The following TACC3 variants were observed in gnomAD, a reference collection of about 807,000 sequenced individuals.
TACC3 encodes transforming acidic coiled-coil-containing protein 3.
A neutral mutation model predicts 86.0 loss-of-function variants in TACC3; 52 were observed. The observed-to-expected ratio is 0.60, with a 90% CI of 0.48 to 0.76. TACC3 has a LOEUF of 0.76. Among genes scored for constraint, TACC3 ranks in the 30% least tolerant of loss-of-function variants. The pLI is 0.00. For missense variants in TACC3, 1,120 were observed against 1,070.4 expected (o/e 1.05, Z -0.65); for synonymous variants, 512 against 430.0 (o/e 1.19, Z -2.36).
chr4:1,731,151 T>C, intron 5 of TACC3, 21 bp from the exon 6 acceptor site: 1 of 1,612,874 alleles, frequency 6.2e-7, no homozygotes, highest in Non-Finnish European at 8.5e-7. Flanking sequence ...CTGCACAGGG[T>C]GACTCTGCCC....
rs1443551856 is a variant in TACC3 at position 1,735,087 on chromosome 4, A to C, written c.1592-186A>C. 6.6e-6 allele frequency among the ~76,000 whole-genome samples: 1 copy of C among 152,174 alleles called. No individual in the cohort carries two copies. Among genetic ancestry groups the C allele is most frequent in the African/African-American group, 2.4e-5 (1 of 41,454 alleles). On this transcript the variant is annotated intron_variant, in intron 6 of 15. Coordinates refer to ENST00000313288, the MANE Select transcript of TACC3 (RefSeq NM_006342.3). This position sits in a 1 kb window ranked among gnomAD's most constrained non-coding sequence, Gnocchi z 4.2. Reference sequence around the variant, plus strand: ...GTAGAGGCTGGGGATGCCGCTCAGCACCCTGCGGTGCCCAGGAGGCGCCTG... The same window carrying C: ...GTAGAGGCTGGGGATGCCGCTCAGCCCCCTGCGGTGCCCAGGAGGCGCCTG...
At chr4:1,744,454 A>G in intron 13 of TACC3, 64 bp from the exon 14 acceptor site, 3 of 1,483,730 alleles carry the variant, frequency 2.0e-6, no homozygotes, top group Non-Finnish European at 9.3e-7. Flanking sequence ...GTCCCCAGAC[A>G]CCAAGCCTGG....
chr4:1,726,561 A>G (rs544693479), intron 3 of TACC3, among the ~76,000 whole-genome samples: 1 of 152,366 alleles, frequency 6.6e-6, no homozygotes, highest in East Asian at 1.9e-4. Flanking sequence ...CACGCAGATT[A>G]AAGTGTTATC....
chr4:1,724,719 A>G (rs1222196973), intron 3 of TACC3, among the ~76,000 whole-genome samples: 9 of 150,964 alleles, frequency 6.0e-5, no homozygotes, highest in Non-Finnish European at 1.3e-4. Context: ...GTGGGAAGGG[A>G]CCCCAGAGGC....
rs754023172 is a variant in TACC3, at chr4:1,735,351, C to G, written c.1644+26C>G. On this transcript the variant is annotated intron_variant, in intron 7 of 15. Coordinates refer to ENST00000313288, the MANE Select transcript of TACC3 (RefSeq NM_006342.3). The surrounding 1 kb of genome is among the most constrained non-coding windows in gnomAD (Gnocchi z 4.2). The stretch of plus-strand genomic sequence containing the variant: ...GTAGGTACCAGGCAATTCCGCGAAG[C>G]CTCACCCACAGGGTGTCCGAGAGCA... The G allele has an allele frequency of 6.2e-7, 1 of 1,613,698 alleles. No individual in the cohort carries two copies. The highest frequency in any genetic ancestry group is 1.1e-5 in the South Asian group (1 of 91,086).
At chr4:1,741,847 A>G (rs1284216356) in intron 13 of TACC3, 2 of 152,288 alleles carry the variant, frequency 1.3e-5, no homozygotes, top group African/African-American at 2.4e-5. Flanking sequence ...AAGGTATCTT[A>G]TGCTTTAAAT....
rs778532247 is a variant in TACC3 at position 1,735,079 on chromosome 4, C to T, written c.1592-194C>T. ...GGGAGTGGGTAGAGGCTGGGGATGC[C>T]GCTCAGCACCCTGCGGTGCCCAGGA... On this transcript the variant is annotated intron_variant, in intron 6 of 15. Transcript: ENST00000313288. The surrounding 1 kb of genome is among the most constrained non-coding windows in gnomAD (Gnocchi z 4.2). 1.6e-4 allele frequency among the ~76,000 whole-genome samples: 25 copies of T among 152,188 alleles called. No homozygotes were observed. Among genetic ancestry groups the T allele is most frequent in the Non-Finnish European group, 2.8e-4 (19 of 68,024 alleles).
intron 6 of TACC3, among the ~76,000 whole-genome samples, chr4:1,733,509 T>TA (rs1430957116): frequency 6.7e-4 from 65 of 97,698 alleles, no homozygotes; most frequent in Non-Finnish European, 1.2e-3. Context: ...CCTTTTTTTT[T>TA]ATTACCTGGC....
At position 1,730,908 on chromosome 4, in the gene TACC3, G is replaced by C; in HGVS notation, c.1407G>C (p.Ala469=). ...CLSQQLHSAS[A]EDTPVVQLAA... Reference sequence around the variant, plus strand: ...CCAGGCAGCTGCATTCAGCCTCAGCGGAGGACACGCCTGTGGTGCAGTTGG... The same window carrying C: ...CCAGGCAGCTGCATTCAGCCTCAGCCGAGGACACGCCTGTGGTGCAGTTGG... Residue 469 remains alanine (A), a synonymous_variant, in exon 5 of 16, where the codon GCG becomes GCC. Transcript: ENST00000313288. 6.2e-7 allele frequency: 1 copy of C among 1,613,362 alleles called. No individual in the cohort carries two copies.
intron 8 of TACC3, among the ~76,000 whole-genome samples, chr4:1,736,121 C>T (rs763285280): frequency 3.9e-5 from 6 of 152,214 alleles, no homozygotes; most frequent in Non-Finnish European, 5.9e-5. Context: ...AAGAGTACTT[C>T]CTCTAAAACA....
intron 8 of TACC3, among the ~76,000 whole-genome samples, chr4:1,736,118 C>A (rs1718250194): frequency 1.3e-5 from 2 of 152,218 alleles, no homozygotes; most frequent in Admixed American, 6.5e-5. Context: ...TTTAAGAGTA[C>A]TTCCTCTAAA....
chr4:1,743,339 G>T (rs1330449848), intron 13 of TACC3, among the ~76,000 whole-genome samples: 2 of 151,276 alleles, frequency 1.3e-5, no homozygotes, highest in African/African-American at 2.4e-5. Context: ...TGGATCACGA[G>T]ATCAGGAGTT....
At chr4:1,739,563 A>G (rs1718462827) in intron 10 of TACC3, 139 bp from the exon 11 acceptor site, 1 of 776,298 alleles carries the variant, frequency 1.3e-6, no homozygotes, top group South Asian at 1.8e-5. Context: ...CCAGGGTCCC[A>G]CTGGAAGCCC....
upstream of TACC3, chr4:1,720,793 G>A (rs1296440024): frequency 1.3e-6 from 2 of 1,595,752 alleles, no homozygotes; most frequent in Non-Finnish European, 1.7e-6. The surrounding 1 kb of genome is among the most constrained non-coding windows in gnomAD (Gnocchi z 4.4). Flanking sequence ...AGCACACGGC[G>A]AACACCAGAT....
chr4:1,726,041 G>A lies in TACC3; in HGVS notation c.306-1667G>A, dbSNP rs115793779. 2.3e-3 allele frequency among the ~76,000 whole-genome samples: 343 copies of A among 152,352 alleles called. 1 individual carries two copies. The highest frequency in any genetic ancestry group is 8.0e-3 in the African/African-American group (331 of 41,582). On this transcript the variant is annotated intron_variant, in intron 3 of 15. Transcript: ENST00000313288. ...CTGAGGCACTGGCACATGACCCTGC[G>A]TCTTCTCAGGGACCTGAAGGCTGGG...
rs1207619448 is a variant in TACC3, at chr4:1,721,648, G to T, written c.-2+5G>T. The T allele has an allele frequency of 1.3e-5, 2 of 152,294 alleles. No individual in the cohort carries two copies. The highest frequency in any genetic ancestry group is 4.8e-5 in the African/African-American group (2 of 41,408). The allele number at this position is 152,294 out of a possible 1,614,324, so 9.4% of individuals were successfully genotyped here. ...CGGCAACGGGCGGGCGGGCAGGTAG[G>T]AGAGCGGCTACACGGCGCGGGGAGG... On this transcript the variant is annotated splice_donor_5th_base_variant and intron_variant, in intron 1 of 15. Coordinates refer to ENST00000313288, the MANE Select transcript of TACC3 (RefSeq NM_006342.3).
chr4:1,738,277 CAG>C (rs1718391078), intron 10 of TACC3: 2 of 236,056 alleles, frequency 8.5e-6, no homozygotes, highest in Non-Finnish European at 1.7e-5. Flanking sequence ...GAGGTGCAGA[CAG>C]GGTGGTTCCG....
chr4:1,721,926 TCTC>T (rs1276564895), intron 1 of TACC3: 1 of 151,924 alleles, frequency 6.6e-6, no homozygotes, highest in Non-Finnish European at 1.5e-5. Flanking sequence ...GGTGCTTTGC[TCTC>T]CTCGACCCTC....
chr4:1,723,663 A>G (rs1157649715), intron 2 of TACC3, 65 bp from the exon 3 acceptor site: 4 of 1,611,624 alleles, frequency 2.5e-6, no homozygotes, highest in East Asian at 4.5e-5. Flanking sequence ...GCTGCAGGAC[A>G]CTGCTGGTGT....
Sources: allele counts gnomAD v4.1 joint callset (sites outside exome capture counted in the v4.1 genomes callset), GRCh38; gene constraint gnomAD v4.1.1; non-coding constraint Gnocchi (gnomAD v3.1); transcripts MANE v1.5; gene names NCBI Gene and HGNC (gene_info 2026-07-23, HGNC 2026-07-21).